PAFAH1B2: variants seen among roughly 807,000 people sequenced by gnomAD.
The protein encoded by PAFAH1B2 is platelet activating factor acetylhydrolase 1b catalytic subunit 2, also known as platelet-activating factor acetylhydrolase IB subunit alpha2.
PAFAH1B2 carries 8 observed loss-of-function variants against 28.0 expected under a neutral mutation model. The observed-to-expected ratio is 0.29, with a 90% CI of 0.17 to 0.52. The LOEUF (loss-of-function observed/expected upper bound fraction) is 0.52, where lower values mean the gene tolerates loss of function less well. Among genes scored for constraint, PAFAH1B2 ranks in the 20% least tolerant of loss-of-function variants. The pLI is 0.97. For synonymous variants in PAFAH1B2, 104 were observed against 103.2 expected, an observed-to-expected ratio of 1.01 and a Z score of -0.05; for missense variants, 190 against 282.6, an observed-to-expected ratio of 0.67 and a Z score of 2.35.
chr11:117,169,999 T>G lies in PAFAH1B2; in HGVS notation c.*2300T>G. ...CTCAGATGTTACTACATTTTATATC[T>G]ACCAGAGCTATTCAAGCAATAGTAT... On this transcript the variant is annotated 3_prime_UTR_variant, in exon 6 of 6. Transcript: ENST00000527958. 1 of 1,054,060 alleles carries G rather than the reference T, an allele frequency of 9.5e-7. No homozygotes were observed. The highest frequency in any genetic ancestry group is 4.6e-5 in the South Asian group (1 of 21,868). The allele number at this position is 1,054,060 out of a possible 1,614,324, so 65.3% of individuals were successfully genotyped here.
chr11:117,176,014 CATG>C (rs1207058982), downstream of PAFAH1B2: 1 of 1,139,898 alleles, frequency 8.8e-7, no homozygotes, highest in East Asian at 2.6e-5. Context: ...ATGGAGGGCT[CATG>C]ATGAAGAAAC....
At chr11:117,157,903 T>C (rs1403891474) in intron 2 of PAFAH1B2, among the ~76,000 whole-genome samples, 1 of 152,128 alleles carries the variant, frequency 6.6e-6, no homozygotes, top group Non-Finnish European at 1.5e-5. Context: ...TTTTGGAGGC[T>C]GAGGCGGGTG....
intron 1 of PAFAH1B2, among the ~76,000 whole-genome samples, chr11:117,148,586 TTGTC>T (rs1350072273): frequency 3.3e-5 from 5 of 152,160 alleles, no homozygotes; most frequent in Non-Finnish European, 1.5e-5. Context: ...GATCAGTTGT[TTGTC>T]TGTTGGATGA....
intron 3 of PAFAH1B2, 40 bp downstream of exon 3, chr11:117,160,063 T>C: frequency 2.3e-6 from 3 of 1,315,226 alleles, no homozygotes; most frequent in Middle Eastern, 1.8e-4. Context: ...TGGCTACTCA[T>C]GTATATCCAT....
chr11:117,165,005 G>C (rs1956470532), intron 5 of PAFAH1B2, among the ~76,000 whole-genome samples: 1 of 147,362 alleles, frequency 6.8e-6, no homozygotes, highest in African/African-American at 2.5e-5. Flanking sequence ...GCCTAGGCTG[G>C]AGTGCAGTGG....
chr11:117,174,755 G>A (rs1956743700), downstream of PAFAH1B2: 6 of 500,430 alleles, frequency 1.2e-5, no homozygotes, highest in South Asian at 1.6e-4. Context: ...TGGGATTACA[G>A]GCGTGAGCCA....
chr11:117,151,161 G>C (rs4938348), intron 1 of PAFAH1B2, among the ~76,000 whole-genome samples: 111,177 of 151,212 alleles, frequency 0.74, 41,667 homozygotes, highest in Non-Finnish European at 0.82. Context: ...AAGATTAGCA[G>C]TTCTAATTTT....
intron 2 of PAFAH1B2, among the ~76,000 whole-genome samples, chr11:117,154,533 C>T (rs373444104): frequency 1.8e-4 from 27 of 150,530 alleles, no homozygotes; most frequent in African/African-American, 5.5e-4. Flanking sequence ...CTTGGCTTCC[C>T]GGGCTTAAGT....
Position 117,169,983 on chromosome 11 carries a change from T to TA in PAFAH1B2, c.*2285dup. On this transcript the variant is annotated 3_prime_UTR_variant, in exon 6 of 6. Transcript: ENST00000527958. ...GCTCATGTGTACAAACCTCAGATGTTACTACATTTTATATCTACCAGAGCT... is the reference window on the plus strand; with the variant it reads ...GCTCATGTGTACAAACCTCAGATGTTAACTACATTTTATATCTACCAGAGCT... 1 of 1,053,610 alleles carries TA rather than the reference T, an allele frequency of 9.5e-7. No homozygotes were observed. The highest frequency in any genetic ancestry group is 4.6e-5 in the South Asian group (1 of 21,868). The allele number at this position is 1,053,610 out of a possible 1,614,324, so 65.3% of individuals were successfully genotyped here. A position where few individuals can be genotyped will look rare whatever the true frequency, so the allele number is the denominator to read the frequency against.
chr11:117,146,636 G>C (rs1019908651), intron 1 of PAFAH1B2, among the ~76,000 whole-genome samples: 1 of 152,146 alleles, frequency 6.6e-6, no homozygotes, highest in Non-Finnish European at 1.5e-5. Flanking sequence ...CAAGGCTGCA[G>C]TGAGCTGTGT....
chr11:117,175,864 C>T (rs1380290660), downstream of PAFAH1B2: 2 of 1,525,738 alleles, frequency 1.3e-6, no homozygotes, highest in African/African-American at 2.7e-5. Context: ...GAGTTCAAGA[C>T]CAGCCTGGGC....
intron 1 of PAFAH1B2, among the ~76,000 whole-genome samples, chr11:117,145,571 T>C (rs922259919): frequency 1.3e-5 from 2 of 152,186 alleles, no homozygotes; most frequent in Non-Finnish European, 2.9e-5. Flanking sequence ...GTTGCCTCCT[T>C]GTGGGGGAGA....
intron 1 of PAFAH1B2, among the ~76,000 whole-genome samples, chr11:117,150,347 A>G (rs866224400): frequency 9.9e-5 from 15 of 151,766 alleles, no homozygotes; most frequent in South Asian, 8.3e-4. Flanking sequence ...CGGGGGTTTC[A>G]CCATGTTGGC....
intron 2 of PAFAH1B2, among the ~76,000 whole-genome samples, chr11:117,153,844 A>G (rs1056637404): frequency 1.3e-5 from 2 of 152,134 alleles, no homozygotes; most frequent in Non-Finnish European, 2.9e-5. Flanking sequence ...AAATCATGAG[A>G]TGTAATATTG....
At position 117,144,297 on chromosome 11, in the gene PAFAH1B2, C is replaced by A. The variant is rs771667514; in HGVS notation, c.-129C>A. ...AGGGGAACCGGAAGTGGAGGAGCTG[C>A]TGCTGGTGCTGGGGCCGGAGGAGGG... is the stretch of plus-strand genomic sequence containing the variant. On this transcript the variant is annotated 5_prime_UTR_variant, in exon 1 of 6. In the 5' UTR this introduces an upstream ATG that the reference lacks. Coordinates refer to ENST00000527958, the MANE Select transcript of PAFAH1B2 (RefSeq NM_002572.4). The A allele has an allele frequency of 1.6e-5, 6 of 380,710 alleles. No homozygotes were observed. Among genetic ancestry groups the A allele is most frequent in the South Asian group, 8.6e-5 (5 of 57,826 alleles). The allele number at this position is 380,710 out of a possible 1,614,324, so 23.6% of individuals were successfully genotyped here.
At chr11:117,154,456 C>G (rs1455041607) in intron 2 of PAFAH1B2, among the ~76,000 whole-genome samples, 2 of 150,540 alleles carry the variant, frequency 1.3e-5, no homozygotes, top group African/African-American at 5.0e-5. Context: ...CTTGCTCTGT[C>G]AAGCATGCTG....
At chr11:117,160,090 TTCATTCTG>T in intron 3 of PAFAH1B2, 67 bp downstream of exon 3, 1 of 1,098,268 alleles carries the variant, frequency 9.1e-7, no homozygotes, top group Non-Finnish European at 1.4e-6. Context: ...CTAACAGACT[TTCATTCTG>T]AGCTGAACTT....
intron 1 of PAFAH1B2, among the ~76,000 whole-genome samples, chr11:117,144,746 C>CGG (rs762272076): frequency 0.029 from 4,471 of 152,130 alleles, 94 homozygotes; most frequent in Non-Finnish European, 0.036. Context: ...GCGCCCCGCC[C>CGG]CGCCCTGCCC....
chr11:117,172,373 TATATATATATATATATATATATATATATA>T (rs1565278690), downstream of PAFAH1B2, among the ~76,000 whole-genome samples: 64 of 5,018 alleles, frequency 0.013, 1 homozygote, highest in African/African-American at 0.029. Context: ...TATATATATA[TATATATATATATATATATATATATATATA>T]TATTTTTTTT....
Sources: allele counts gnomAD v4.1 joint callset (sites outside exome capture counted in the v4.1 genomes callset), GRCh38; gene constraint gnomAD v4.1.1; transcripts MANE v1.5; gene names NCBI Gene and HGNC (gene_info 2026-07-23, HGNC 2026-07-21).